Variants in TRAPPC9 observed in about 807,000 individuals in gnomAD.
The protein encoded by TRAPPC9 is trafficking protein particle complex subunit 9.
Under a neutral mutation model 124.0 loss-of-function variants are expected in TRAPPC9, and 83 were observed. The observed-to-expected ratio is 0.67, with a 90% confidence interval of 0.56 to 0.80. TRAPPC9 has a LOEUF of 0.80. Among genes scored for constraint, TRAPPC9 ranks in the 30% least tolerant of loss-of-function variants. The pLI is 0.00. For missense variants in TRAPPC9, 1,302 were observed against 1,508.3 expected (o/e 0.86, Z 2.27); for synonymous variants, 638 against 617.5 (o/e 1.03, Z -0.49).
chr8:139,729,683 G>C lies in TRAPPC9; in HGVS notation c.*1378C>G, dbSNP rs375477530. ...CACAGGGTGACCTTGCTCCCAGCGA[G>C]GGAGGTTTGGGCCTGGGACTTCAGG... On this transcript the variant is annotated 3_prime_UTR_variant, in exon 23 of 23. Transcript: ENST00000438773. Among the ~76,000 whole-genome samples, 4 of 152,136 alleles carry C rather than the reference G, an allele frequency of 2.6e-5. No individual in the cohort carries two copies. Among genetic ancestry groups the C allele is most frequent in the East Asian group, 1.9e-4 (1 of 5,184 alleles).
chr8:139,820,546 A>G (rs1825184201), intron 21 of TRAPPC9, among the ~76,000 whole-genome samples: 1 of 152,250 alleles, frequency 6.6e-6, no homozygotes, highest in Non-Finnish European at 1.5e-5. Context: ...TGTATTTCCA[A>G]ATAGAATGCT....
chr8:139,827,559 C>A (rs964350699), intron 21 of TRAPPC9, among the ~76,000 whole-genome samples: 1 of 152,156 alleles, frequency 6.6e-6, no homozygotes, highest in African/African-American at 2.4e-5. Context: ...AAGAGGAGGT[C>A]AGGCAGTCTC....
Position 139,898,732 on chromosome 8 carries a change from A to T in TRAPPC9, c.2964+11415T>A, listed in dbSNP as rs570961363. Among the ~76,000 whole-genome samples, 45 of 152,312 alleles carry T rather than the reference A, an allele frequency of 3.0e-4. No individual in the cohort carries two copies. The South Asian group carries it at 3.3e-3, about 11-fold the overall frequency. On this transcript the variant is annotated intron_variant, in intron 20 of 22. Coordinates refer to ENST00000438773, the MANE Select transcript of TRAPPC9 (RefSeq NM_001160372.4). ...GGAAACTGAGGTTTACAAAAGTTGC[A>T]TATGTCATACCCCGCTCTCTCCAAC...
At chr8:139,791,888 T>G (rs892848583) in intron 21 of TRAPPC9, among the ~76,000 whole-genome samples, 1 of 152,164 alleles carries the variant, frequency 6.6e-6, no homozygotes, top group Non-Finnish European at 1.5e-5. Context: ...ATCACCCCTC[T>G]GCAGCGCGCG....
At chr8:139,913,598 T>C (rs1831898418) in intron 19 of TRAPPC9, among the ~76,000 whole-genome samples, 3 of 152,228 alleles carry the variant, frequency 2.0e-5, no homozygotes, top group Non-Finnish European at 4.4e-5. Flanking sequence ...CCAACAGGCC[T>C]GCTGCTTGTG....
chr8:140,249,599 T>TC lies in TRAPPC9; in HGVS notation c.2431+3177_2431+3178insG, dbSNP rs200167053. 2.3e-3 allele frequency among the ~76,000 whole-genome samples: 140 copies of TC among 61,854 alleles called. 1 individual carries two copies. Among genetic ancestry groups the TC allele is most frequent in the Non-Finnish European group, 2.6e-3 (93 of 35,226 alleles). The allele number at this position is 61,854 out of a possible 152,430, so 40.6% of individuals were successfully genotyped here. A position where few individuals can be genotyped will look rare whatever the true frequency, so the allele number is the denominator to read the frequency against. ...GTGCAGGCAAATCATCTTTCACTCT[T>TC]TTTTTTTTTTTTTTTTTTTTTTGAG... On this transcript the variant is annotated intron_variant, in intron 16 of 22. Transcript: ENST00000438773.
intron 21 of TRAPPC9, among the ~76,000 whole-genome samples, chr8:139,764,698 C>T (rs1820471332): frequency 6.6e-6 from 1 of 152,120 alleles, no homozygotes; most frequent in Non-Finnish European, 1.5e-5. Flanking sequence ...GGAGGCGTCC[C>T]TGTCCTGGTG....
chr8:139,789,847 G>A (rs1028294915), intron 21 of TRAPPC9, among the ~76,000 whole-genome samples: 2 of 152,128 alleles, frequency 1.3e-5, no homozygotes, highest in African/African-American at 2.4e-5. Context: ...TCAACTCCAG[G>A]ACCGGTACAT....
At chr8:139,996,359 C>T (rs574974677) in intron 18 of TRAPPC9, among the ~76,000 whole-genome samples, 1 of 151,860 alleles carries the variant, frequency 6.6e-6, no homozygotes, top group South Asian at 2.1e-4. Context: ...TCATACTACC[C>T]AAGTGTACAT....
chr8:140,037,314 T>C (rs1326690921), intron 17 of TRAPPC9, among the ~76,000 whole-genome samples: 1 of 151,332 alleles, frequency 6.6e-6, no homozygotes, highest in African/African-American at 2.4e-5. Context: ...TGCCTGGCGT[T>C]TGGAAAGAGT....
intron 21 of TRAPPC9, among the ~76,000 whole-genome samples, chr8:139,757,914 T>A (rs1819964590): frequency 6.6e-6 from 1 of 152,168 alleles, no homozygotes; most frequent in Admixed American, 6.5e-5. Context: ...GGGAGTCACA[T>A]GCCAGGAGGC....
intron 19 of TRAPPC9, among the ~76,000 whole-genome samples, chr8:139,937,571 C>T (rs1417726315): frequency 6.6e-6 from 1 of 152,022 alleles, no homozygotes; most frequent in African/African-American, 2.4e-5. Context: ...CCAGTGGGGC[C>T]AGGAGAGAGG....
intron 17 of TRAPPC9, among the ~76,000 whole-genome samples, chr8:140,155,005 T>C (rs1428336599): frequency 6.6e-6 from 1 of 152,220 alleles, no homozygotes; most frequent in African/African-American, 2.4e-5. Flanking sequence ...GAGTATCTTC[T>C]CCTACTGGAC....
chr8:140,273,205 G>T (rs757227684), intron 15 of TRAPPC9, among the ~76,000 whole-genome samples: 19 of 152,172 alleles, frequency 1.2e-4, no homozygotes, highest in Non-Finnish European at 2.4e-4. Flanking sequence ...CAACTTCTGG[G>T]CCACACTCGT....
At chr8:140,157,398 C>T (rs2061672918) in intron 17 of TRAPPC9, among the ~76,000 whole-genome samples, 1 of 152,054 alleles carries the variant, frequency 6.6e-6, no homozygotes, top group African/African-American at 2.4e-5. Context: ...AAAAGCCTTC[C>T]TTCTCTTCTT....
intron 21 of TRAPPC9, among the ~76,000 whole-genome samples, chr8:139,823,138 G>A (rs1046184708): frequency 1.3e-5 from 2 of 152,136 alleles, no homozygotes; most frequent in African/African-American, 4.8e-5. Context: ...TGGGGGTTAC[G>A]GCTGCAACAC....
chr8:140,042,338 G>C (rs1011171140), intron 17 of TRAPPC9, among the ~76,000 whole-genome samples: 2 of 151,998 alleles, frequency 1.3e-5, no homozygotes, highest in Non-Finnish European at 2.9e-5. Context: ...AAAATAAAAC[G>C]TTGGGGAAAA....
At chr8:139,821,319 T>C (rs957117738) in intron 21 of TRAPPC9, among the ~76,000 whole-genome samples, 7 of 152,266 alleles carry the variant, frequency 4.6e-5, no homozygotes, top group African/African-American at 1.7e-4. Context: ...AGTCCCTGAA[T>C]GTGCACAGTG....
intron 20 of TRAPPC9, 82 bp from the exon 21 acceptor site, chr8:139,886,051 C>T: frequency 7.5e-7 from 1 of 1,337,340 alleles, no homozygotes; most frequent in South Asian, 1.3e-5. Flanking sequence ...CAGAGACCCT[C>T]AGATGGGAAA....
Sources: gnomAD v4.1 joint callset for allele counts (sites outside exome capture counted in the v4.1 genomes callset) on GRCh38, gnomAD v4.1.1 for gene constraint, MANE v1.5 for transcripts, NCBI Gene and HGNC (gene_info 2026-07-23, HGNC 2026-07-21) for gene names.